The following TFDP2 variants were observed in gnomAD, a reference collection of about 807,000 sequenced individuals.
TFDP2 encodes the protein transcription factor Dp-2, also known as transcription factor Dp-2 (E2F dimerization partner 2).
A neutral mutation model predicts 59.3 loss-of-function variants in TFDP2; 17 were observed. That is an observed-to-expected ratio of 0.29 (90% CI 0.20 to 0.43). The LOEUF (loss-of-function observed/expected upper bound fraction) is 0.43. Ranked by LOEUF, TFDP2 falls within the 20% of genes least tolerant of loss-of-function variation. TFDP2 has a pLI of 1.00. For missense variants in TFDP2, 391 were observed against 528.8 expected, an observed-to-expected ratio of 0.74 and a Z score of 2.56; for synonymous variants, 180 against 194.7, an observed-to-expected ratio of 0.92 and a Z score of 0.63.
intron 3 of TFDP2, among the ~76,000 whole-genome samples, chr3:142,030,710 A>T (rs1230748622): frequency 6.6e-6 from 1 of 150,572 alleles, no homozygotes; most frequent in Non-Finnish European, 1.5e-5. Context: ...GAAATTAAAC[A>T]TCCAAGTACT....
chr3:142,095,644 A>T (rs1271403533), intron 2 of TFDP2, among the ~76,000 whole-genome samples: 1 of 152,246 alleles, frequency 6.6e-6, no homozygotes, highest in Non-Finnish European at 1.5e-5. Flanking sequence ...ATACTTTCCA[A>T]CAAAATTTGC....
intron 1 of TFDP2, among the ~76,000 whole-genome samples, chr3:142,108,394 G>A (rs1465851450): frequency 6.6e-6 from 1 of 152,030 alleles, no homozygotes; most frequent in African/African-American, 2.4e-5. Flanking sequence ...ATTTTTAGTA[G>A]AGACGGGGTT....
In TFDP2 at chr3:142,101,871, T is replaced by C; in HGVS notation, c.-92-30A>G. 7.9e-6 allele frequency: 4 copies of C among 503,728 alleles called. No individual in the cohort carries two copies. The Admixed American group carries it at 1.0e-4, about 13-fold the overall frequency. The allele number at this position is 503,728 out of a possible 1,614,324, so 31.2% of individuals were successfully genotyped here. On this transcript the variant is annotated intron_variant, in intron 1 of 12. Transcript: ENST00000489671. ...TAAAGGAAAACAGAGGGAATAGTAA[T>C]GTAATAATAATAATAGGCAACATTT...
intron 3 of TFDP2, among the ~76,000 whole-genome samples, chr3:142,084,349 G>C (rs996311386): frequency 4.6e-5 from 7 of 152,188 alleles, no homozygotes; most frequent in Admixed American, 4.6e-4. Flanking sequence ...AGGATGTGGA[G>C]AGAAGGGAAC....
chr3:142,061,974 T>G (rs1024411613), intron 3 of TFDP2, among the ~76,000 whole-genome samples: 1 of 149,900 alleles, frequency 6.7e-6, no homozygotes, highest in African/African-American at 2.5e-5. Context: ...AGGTTCAAAC[T>G]GTACAGGTAC....
chr3:142,137,222 C>T (rs1375607194), intron 1 of TFDP2, among the ~76,000 whole-genome samples: 1 of 152,144 alleles, frequency 6.6e-6, no homozygotes, highest in Non-Finnish European at 1.5e-5. Flanking sequence ...GATTTCTGCA[C>T]ATTGATTTTG....
At chr3:142,018,131 CA>C (rs1346893137) in intron 3 of TFDP2, among the ~76,000 whole-genome samples, 2 of 151,894 alleles carry the variant, frequency 1.3e-5, no homozygotes, top group African/African-American at 2.4e-5. Flanking sequence ...TCAGTAGAGA[CA>C]GGGGTCTCGT....
chr3:141,988,338 C>T (rs1009432085), intron 6 of TFDP2, among the ~76,000 whole-genome samples: 2 of 152,178 alleles, frequency 1.3e-5, no homozygotes, highest in African/African-American at 4.8e-5. Context: ...TTAATCAAGT[C>T]ATGTGCTTTT....
chr3:142,026,332 A>AC (rs933275847), intron 3 of TFDP2, among the ~76,000 whole-genome samples: 12 of 131,374 alleles, frequency 9.1e-5, no homozygotes, highest in Middle Eastern at 3.9e-3. Flanking sequence ...AAAAACAACA[A>AC]AAAAAAACAA....
At chr3:141,969,332 A>C (rs1374543177) in intron 9 of TFDP2, among the ~76,000 whole-genome samples, 1 of 147,388 alleles carries the variant, frequency 6.8e-6, no homozygotes, top group Non-Finnish European at 1.5e-5. Context: ...ACTGAAACAG[A>C]CCCAGTGTGG....
intron 3 of TFDP2, among the ~76,000 whole-genome samples, chr3:142,073,793 C>A (rs1004800141): frequency 6.6e-6 from 1 of 152,144 alleles, no homozygotes; most frequent in Admixed American, 6.5e-5. Context: ...AGAACATTAT[C>A]ATCACTGCAA....
intron 1 of TFDP2, among the ~76,000 whole-genome samples, chr3:142,115,425 T>C (rs1173975789): frequency 9.2e-5 from 14 of 151,830 alleles, no homozygotes. Flanking sequence ...TTCACGCCAT[T>C]CTCCTGCCTC....
intron 3 of TFDP2, among the ~76,000 whole-genome samples, chr3:142,072,909 A>C (rs996522637): frequency 3.9e-5 from 6 of 152,222 alleles, no homozygotes; most frequent in Admixed American, 2.0e-4. Flanking sequence ...GAGGGAGAGC[A>C]TAACTCCCTG....
At chr3:142,010,636 A>T (rs1944595754) in intron 3 of TFDP2, among the ~76,000 whole-genome samples, 1 of 149,514 alleles carries the variant, frequency 6.7e-6, no homozygotes. Context: ...AAAACCTACC[A>T]TCAGAGTGAA....
In TFDP2 at chr3:142,148,047, G is replaced by GAA. The variant is rs112499509; in HGVS notation, c.-93+1134_-93+1135dup. Among the ~76,000 whole-genome samples, 141 of 137,258 alleles carry GAA rather than the reference G, an allele frequency of 1.0e-3. 1 individual carries two copies. The highest frequency in any genetic ancestry group is 3.7e-3 in the African/African-American group (138 of 36,998). The allele number at this position is 137,258 out of a possible 152,430, so 90.0% of individuals were successfully genotyped here. On this transcript the variant is annotated intron_variant, in intron 1 of 12. Transcript: ENST00000489671. Reference sequence around the variant, plus strand: ...ATAGATGAATATATATTCACGAGCTGAAAAAAAAAACAGGTAAATTATTTA... The same window carrying GAA: ...ATAGATGAATATATATTCACGAGCTGAAAAAAAAAAAACAGGTAAATTATTTA...
chr3:142,034,757 C>T (rs1946606887), intron 3 of TFDP2, among the ~76,000 whole-genome samples: 1 of 151,458 alleles, frequency 6.6e-6, no homozygotes, highest in African/African-American at 2.4e-5. Flanking sequence ...GCTCTGTCAC[C>T]CAGGCTGGAG....
chr3:142,034,112 T>TTTTTTTTA (rs1946563318), intron 3 of TFDP2, among the ~76,000 whole-genome samples: 1 of 89,986 alleles, frequency 1.1e-5, no homozygotes, highest in Non-Finnish European at 2.4e-5. Flanking sequence ...TTTTTTTTTT[T>TTTTTTTTA]GAGACGGAGT....
chr3:142,136,861 T>C (rs2062757081), intron 1 of TFDP2, among the ~76,000 whole-genome samples: 2 of 152,082 alleles, frequency 1.3e-5, no homozygotes, highest in African/African-American at 2.4e-5. Flanking sequence ...AGGATTGTCT[T>C]GGCAATGTGG....
chr3:142,005,395 C>T (rs754227033), intron 4 of TFDP2, 46 bp downstream of exon 4: 1 of 1,441,660 alleles, frequency 6.9e-7, no homozygotes, highest in South Asian at 1.2e-5. Flanking sequence ...TTAAATTAGT[C>T]TTGGCTAAAC....
Sources: gnomAD v4.1 joint callset for allele counts (sites outside exome capture counted in the v4.1 genomes callset) on GRCh38, gnomAD v4.1.1 for gene constraint, MANE v1.5 for transcripts, NCBI Gene and HGNC (gene_info 2026-07-23, HGNC 2026-07-21) for gene names.